The following MCF2L2 variants were observed in gnomAD, a reference collection of about 807,000 sequenced individuals.
The protein encoded by MCF2L2 is MCF.2 cell line derived transforming sequence-like 2, also known as probable guanine nucleotide exchange factor MCF2L2.
In MCF2L2, 102 loss-of-function variants were observed where a neutral mutation model predicts 150.2. That is an observed-to-expected ratio of 0.68 (90% CI 0.58 to 0.80). The LOEUF (loss-of-function observed/expected upper bound fraction) is 0.80, where lower values mean the gene tolerates loss of function less well. Ranked by LOEUF, MCF2L2 falls within the 30% of genes least tolerant of loss-of-function variation. The pLI is 0.00. For missense variants in MCF2L2, 1,256 were observed against 1,372.8 expected (o/e 0.91, Z 1.34); for synonymous variants, 465 against 491.3 (o/e 0.95, Z 0.71).
chr3:183,207,047 T>C (rs1219809559), intron 23 of MCF2L2, among the ~76,000 whole-genome samples: 4 of 151,926 alleles, frequency 2.6e-5, no homozygotes, highest in Non-Finnish European at 5.9e-5. Flanking sequence ...AAGGCTACTA[T>C]GAACAAATTA....
chr3:183,199,878 T>G (rs1305104562), intron 25 of MCF2L2, among the ~76,000 whole-genome samples: 3 of 150,490 alleles, frequency 2.0e-5, no homozygotes, highest in Non-Finnish European at 4.4e-5. Context: ...CACACGGTGT[T>G]TGGTTTTCTG....
At chr3:183,344,234 G>A (rs996679731) in intron 3 of MCF2L2, among the ~76,000 whole-genome samples, 14 of 152,086 alleles carry the variant, frequency 9.2e-5, no homozygotes, top group African/African-American at 3.4e-4. Flanking sequence ...TTAATCCCAG[G>A]TAGATTGTGC....
chr3:183,303,236 C>G (rs576854885), intron 10 of MCF2L2, among the ~76,000 whole-genome samples: 2 of 151,476 alleles, frequency 1.3e-5, no homozygotes, highest in African/African-American at 4.8e-5. Flanking sequence ...TCACTCCCAC[C>G]AAAATGTAAG....
At chr3:183,289,677 G>A (rs1025355570) in intron 13 of MCF2L2, among the ~76,000 whole-genome samples, 2 of 152,168 alleles carry the variant, frequency 1.3e-5, no homozygotes, top group East Asian at 1.9e-4. Context: ...CCAACATGGT[G>A]AAATCCCGTC....
chr3:183,295,594 G>T, intron 12 of MCF2L2, 117 bp from the exon 13 acceptor site: 2 of 970,104 alleles, frequency 2.1e-6, no homozygotes, highest in Non-Finnish European at 3.2e-6. Context: ...TCCCTCAGGT[G>T]ACCCCCTCTG....
intron 25 of MCF2L2, among the ~76,000 whole-genome samples, chr3:183,201,723 C>T (rs528419973): frequency 5.0e-4 from 76 of 152,268 alleles, no homozygotes; most frequent in Non-Finnish European, 9.3e-4. Flanking sequence ...GGGAATACTT[C>T]CAGTTTTTGC....
chr3:183,253,221 C>T (rs1724668231), intron 15 of MCF2L2: 1 of 150,818 alleles, frequency 6.6e-6, no homozygotes, highest in South Asian at 2.1e-4. Flanking sequence ...GGGAGCCTCG[C>T]GCCCCCGCCC....
intron 15 of MCF2L2, chr3:183,253,628 CT>C (rs1724717420): frequency 6.6e-6 from 1 of 152,334 alleles, no homozygotes; most frequent in Admixed American, 6.5e-5. Flanking sequence ...GACCAGAAAC[CT>C]TTTAACAAGA....
intron 5 of MCF2L2, among the ~76,000 whole-genome samples, chr3:183,330,540 T>C (rs559507883): frequency 2.0e-5 from 3 of 152,190 alleles, no homozygotes; most frequent in East Asian, 1.9e-4. Context: ...GTGAGGAAGT[T>C]TTGCGTGGTG....
At chr3:183,289,733 G>C (rs1295755452) in intron 13 of MCF2L2, among the ~76,000 whole-genome samples, 4 of 152,214 alleles carry the variant, frequency 2.6e-5, no homozygotes, top group Admixed American at 2.0e-4. Flanking sequence ...GCAAGTGCCT[G>C]TAATCCTAGT....
intron 1 of MCF2L2, among the ~76,000 whole-genome samples, chr3:183,426,528 T>C (rs1228290672): frequency 6.6e-6 from 1 of 152,272 alleles, no homozygotes; most frequent in South Asian, 2.1e-4. Context: ...TTAAAATTCC[T>C]ATTTTTCAAC....
At chr3:183,298,305 T>A (rs1007493088) in intron 11 of MCF2L2, 1 of 152,234 alleles carries the variant, frequency 6.6e-6, no homozygotes, top group Non-Finnish European at 1.5e-5. Context: ...CCAATACCTC[T>A]GCATTTCCAT....
intron 3 of MCF2L2, among the ~76,000 whole-genome samples, chr3:183,361,077 GAAGACAAGAC>G (rs139125125): frequency 1.2e-4 from 12 of 100,482 alleles, no homozygotes; most frequent in South Asian, 5.9e-4. Context: ...AGACAGAAGA[GAAGACAAGAC>G]AAGACAAGAC....
At chr3:183,239,217 C>A (rs1723893032) in intron 15 of MCF2L2, among the ~76,000 whole-genome samples, 1 of 152,166 alleles carries the variant, frequency 6.6e-6, no homozygotes, top group Non-Finnish European at 1.5e-5. Flanking sequence ...GCAGCCTGCA[C>A]TAATGTACTC....
intron 19 of MCF2L2, 78 bp downstream of exon 19, chr3:183,224,019 CT>C: frequency 9.7e-7 from 1 of 1,031,366 alleles, no homozygotes; most frequent in Non-Finnish European, 1.5e-6. Flanking sequence ...GTTCCTCTCC[CT>C]AGTCCCACTT....
chr3:183,271,179 T>G (rs1282915400), intron 15 of MCF2L2: 1 of 342,742 alleles, frequency 2.9e-6, no homozygotes, highest in Non-Finnish European at 5.5e-6. Flanking sequence ...AAAACAAAAC[T>G]AAAGGGAAGT....
intron 1 of MCF2L2, among the ~76,000 whole-genome samples, chr3:183,402,451 C>CAAAAAAAAAAA (rs779201489): frequency 0.021 from 1,155 of 54,488 alleles, 76 homozygotes; most frequent in Non-Finnish European, 0.036. Flanking sequence ...GAGACTCCAT[C>CAAAAAAAAAAA]AAAAAAAAAA....
chr3:183,233,178 C>T (rs1044454833), intron 15 of MCF2L2, among the ~76,000 whole-genome samples: 1 of 152,028 alleles, frequency 6.6e-6, no homozygotes. Context: ...TGGTGAAACC[C>T]TGTGTCTACT....
At chr3:183,223,495 A>C in intron 19 of MCF2L2, 57 bp from the exon 20 acceptor site, 1 of 1,320,668 alleles carries the variant, frequency 7.6e-7, no homozygotes, top group South Asian at 1.2e-5. Context: ...CACAGAATAA[A>C]AGTGGCAGCA....
Sources: gnomAD v4.1 joint callset for allele counts (sites outside exome capture counted in the v4.1 genomes callset) on GRCh38, gnomAD v4.1.1 for gene constraint, MANE v1.5 for transcripts, NCBI Gene and HGNC (gene_info 2026-07-23, HGNC 2026-07-21) for gene names.